The following MTUS2 variants were observed in gnomAD, a reference collection of about 807,000 sequenced individuals.
The protein encoded by MTUS2 is microtubule associated scaffold protein 2.
Under a neutral mutation model 114.1 loss-of-function variants are expected in MTUS2, and 40 were observed. The observed-to-expected ratio is 0.35, with a 90% CI of 0.27 to 0.46. The LOEUF (loss-of-function observed/expected upper bound fraction) is 0.46, where lower values mean the gene tolerates loss of function less well. Ranked by LOEUF, MTUS2 falls within the 20% of genes least tolerant of loss-of-function variation. The probability of loss-of-function intolerance (pLI) is 1.00; values close to 1 mark genes in which losing one functional copy is unlikely to be tolerated. For synonymous variants in MTUS2, 688 were observed against 672.0 expected (o/e 1.02, Z -0.37); for missense variants, 1,679 against 1,705.4 (o/e 0.98, Z 0.27).
intron 2 of MTUS2, among the ~76,000 whole-genome samples, chr13:28,951,323 A>G (rs1057161759): frequency 3.9e-5 from 6 of 152,206 alleles, no homozygotes; most frequent in South Asian, 2.1e-4. Flanking sequence ...AAGTTTTCCA[A>G]TCCATGAACA....
intron 4 of MTUS2, among the ~76,000 whole-genome samples, chr13:29,082,804 A>T (rs1261971995): frequency 6.6e-6 from 1 of 152,158 alleles, no homozygotes; most frequent in Admixed American, 6.6e-5. Context: ...CAGCAGGGCC[A>T]AGGGGGTTCA....
chr13:29,176,000 C>G (rs981292117), intron 5 of MTUS2, among the ~76,000 whole-genome samples: 6 of 151,922 alleles, frequency 3.9e-5, no homozygotes, highest in Non-Finnish European at 7.4e-5. Flanking sequence ...CCAACTTGGT[C>G]ATAAAGAGGA....
chr13:29,101,051 C>T, intron 5 of MTUS2, 81 bp downstream of exon 5: 2 of 1,371,606 alleles, frequency 1.5e-6, no homozygotes, highest in Non-Finnish European at 1.9e-6. Context: ...ATTTTCTTTG[C>T]ATGATTATTT....
At chr13:29,254,335 G>T (rs1897226479) in intron 5 of MTUS2, among the ~76,000 whole-genome samples, 1 of 152,252 alleles carries the variant, frequency 6.6e-6, no homozygotes, top group Non-Finnish European at 1.5e-5. Context: ...CACACAGGAA[G>T]ACAGAGGCAG....
In MTUS2 at chr13:29,024,820, T is replaced by C. The variant is rs778508266; in HGVS notation, c.122T>C (p.Met41Thr). The change falls in exon 3 of 16, where the codon ATG becomes ACG. Residue 41 changes from methionine to threonine, a missense_variant. Met to Thr is a moderately conservative substitution (Grantham distance 81). Around this residue, in one of 3 missense-constraint regions of MTUS2, gnomAD observed 843 missense variants for 770.8 expected, o/e 1.09. Coordinates refer to ENST00000612955, the MANE Select transcript of MTUS2 (RefSeq NM_001033602.4). ...GGAGATACGAATGCCAATCAAATCATGTTGGAGGTCAGCTCCTCTCATGAC... is the reference window on the plus strand; with the variant it reads ...GGAGATACGAATGCCAATCAAATCACGTTGGAGGTCAGCTCCTCTCATGAC... ...SLGDTNANQI[M>T]LEVSSSHDES... is the part of the protein sequence containing the mutation. 9.9e-6 allele frequency: 16 copies of C among 1,613,852 alleles called. No homozygotes were observed. The Admixed American group carries it at 2.2e-4, about 22-fold the overall frequency.
intron 5 of MTUS2, among the ~76,000 whole-genome samples, chr13:29,155,293 A>G (rs1892814084): frequency 1.3e-5 from 2 of 152,210 alleles, no homozygotes; most frequent in Non-Finnish European, 2.9e-5. Flanking sequence ...GAACTGGGAG[A>G]TTTCAGAGGA....
chr13:29,482,536 C>G (rs577804335), intron 10 of MTUS2, among the ~76,000 whole-genome samples: 1 of 152,334 alleles, frequency 6.6e-6, no homozygotes, highest in South Asian at 2.1e-4. Flanking sequence ...TTTACTCATT[C>G]ACCTGTGCAA....
intron 5 of MTUS2, among the ~76,000 whole-genome samples, chr13:29,251,523 G>A (rs768323807): frequency 2.6e-5 from 4 of 152,000 alleles, no homozygotes; most frequent in African/African-American, 9.7e-5. Flanking sequence ...CTACCTCGAC[G>A]TTCTCATCAT....
At chr13:28,966,724 CAAAAA>C (rs10597818) in intron 2 of MTUS2, among the ~76,000 whole-genome samples, 2 of 82,292 alleles carry the variant, frequency 2.4e-5, no homozygotes, top group South Asian at 5.2e-4. Context: ...GACCCTGTCT[CAAAAA>C]AAAAAAAAAA....
At chr13:29,491,656 TGTA>T (rs1426744300) in intron 11 of MTUS2, among the ~76,000 whole-genome samples, 6 of 147,182 alleles carry the variant, frequency 4.1e-5, no homozygotes, top group East Asian at 2.1e-4. Context: ...GTGTGTGGCA[TGTA>T]GTGTGTATGC....
chr13:28,975,115 C>T (rs774603933), intron 2 of MTUS2, among the ~76,000 whole-genome samples: 1 of 152,172 alleles, frequency 6.6e-6, no homozygotes, highest in African/African-American at 2.4e-5. Context: ...AATTAAGGCT[C>T]TTCCGCACTT....
At chr13:29,137,143 GT>G (rs754340259) in intron 5 of MTUS2, among the ~76,000 whole-genome samples, 2 of 151,988 alleles carry the variant, frequency 1.3e-5, no homozygotes, top group African/African-American at 4.8e-5. Context: ...TTGGTTGACA[GT>G]TTTTTTTCTT....
intron 5 of MTUS2, among the ~76,000 whole-genome samples, chr13:29,220,404 A>C (rs887834084): frequency 6.6e-6 from 1 of 152,264 alleles, no homozygotes; most frequent in Non-Finnish European, 1.5e-5. Context: ...GGCTTTTGAC[A>C]TGCTTTCCTC....
intron 5 of MTUS2, among the ~76,000 whole-genome samples, chr13:29,120,986 A>G (rs1441894579): frequency 1.3e-5 from 2 of 152,228 alleles, no homozygotes; most frequent in African/African-American, 2.4e-5. Context: ...ATGGAACAAA[A>G]TGCCACAGCA....
chr13:28,897,663 CAAT>C (rs1220701519), intron 2 of MTUS2, among the ~76,000 whole-genome samples: 9 of 152,052 alleles, frequency 5.9e-5, no homozygotes, highest in Non-Finnish European at 1.3e-4. Context: ...AAATGTCCAA[CAAT>C]GATAGACTGG....
intron 9 of MTUS2, among the ~76,000 whole-genome samples, chr13:29,461,652 C>G (rs1879505324): frequency 1.3e-5 from 2 of 152,196 alleles, no homozygotes; most frequent in South Asian, 4.1e-4. Flanking sequence ...CCCCAGAGTT[C>G]TCCAGAATAT....
intron 5 of MTUS2, among the ~76,000 whole-genome samples, chr13:29,169,794 AG>A (rs1368249921): frequency 6.6e-6 from 1 of 152,176 alleles, no homozygotes; most frequent in Non-Finnish European, 1.5e-5. Context: ...TTACTGCATA[AG>A]GGCCGTGCAG....
At chr13:29,350,960 C>CATATATATATATATATATATATATAT (rs56192034) in intron 7 of MTUS2, among the ~76,000 whole-genome samples, 1,462 of 128,126 alleles carry the variant, frequency 0.011, 50 homozygotes, top group Non-Finnish European at 0.017. Flanking sequence ...ATATATATTT[C>CATATATATATATATATATATATATAT]ATATATATAT....
chr13:29,047,864 T>C (rs1440349089), intron 4 of MTUS2, among the ~76,000 whole-genome samples: 1 of 152,188 alleles, frequency 6.6e-6, no homozygotes, highest in Non-Finnish European at 1.5e-5. Context: ...CCACTAGTCT[T>C]TTTTTGTTTT....
Sources: allele counts gnomAD v4.1 joint callset (sites outside exome capture counted in the v4.1 genomes callset), GRCh38; gene constraint gnomAD v4.1.1; regional missense constraint gnomAD v4.1.1; transcripts MANE v1.5; gene names NCBI Gene and HGNC (gene_info 2026-07-23, HGNC 2026-07-21).